SOX6: variants seen among roughly 807,000 people sequenced by gnomAD.
The protein encoded by SOX6 is SRY-box transcription factor 6, also known as transcription factor SOX-6.
In SOX6, 11 loss-of-function variants were observed where a neutral mutation model predicts 97.8. The observed-to-expected ratio is 0.11, with a 90% CI of 0.07 to 0.19. The LOEUF is 0.19. Among genes scored for constraint, SOX6 ranks in the 10% least tolerant of loss-of-function variants. The pLI, the probability that SOX6 is intolerant of heterozygous loss-of-function variation, is 1.00. For synonymous variants in SOX6, 360 were observed against 371.4 expected, an observed-to-expected ratio of 0.97 and a Z score of 0.35; for missense variants, 810 against 1,039.5, an observed-to-expected ratio of 0.78 and a Z score of 3.04.
chr11:16,482,712 T>C (rs1281268294), intron 4 of SOX6, among the ~76,000 whole-genome samples: 1 of 152,206 alleles, frequency 6.6e-6, no homozygotes, highest in Non-Finnish European at 1.5e-5. Context: ...AACTCAATTA[T>C]AAGTGATTTT....
intron 1 of SOX6, among the ~76,000 whole-genome samples, chr11:16,416,076 G>C (rs746623244): frequency 2.6e-5 from 4 of 152,132 alleles, no homozygotes; most frequent in Non-Finnish European, 5.9e-5. Flanking sequence ...TGCTCACCTC[G>C]TAAGGCATTA....
chr11:15,971,641 C>T lies in SOX6; in HGVS notation c.*1168G>A, dbSNP rs1255442598. Reference sequence around the variant, plus strand: ...ACACAGCCCTGCAGCCAGATACATACTCATGATTAAAAACAATAATAGGTT... The same window carrying T: ...ACACAGCCCTGCAGCCAGATACATATTCATGATTAAAAACAATAATAGGTT... On this transcript the variant is annotated 3_prime_UTR_variant, in exon 16 of 16. Transcript: ENST00000683767. 6.6e-6 allele frequency: 1 copy of T among 152,518 alleles called. No individual in the cohort carries two copies. Among genetic ancestry groups the T allele is most frequent in the Admixed American group, 6.5e-5 (1 of 15,278 alleles). The allele number at this position is 152,518 out of a possible 1,614,324, so 9.4% of individuals were successfully genotyped here. A position where few individuals can be genotyped will look rare whatever the true frequency, so the allele number is the denominator to read the frequency against.
At chr11:16,099,453 A>G (rs1036821721) in intron 7 of SOX6, among the ~76,000 whole-genome samples, 3 of 148,072 alleles carry the variant, frequency 2.0e-5, no homozygotes, top group Non-Finnish European at 4.4e-5. Flanking sequence ...AAAATAGGGG[A>G]AAAAAATCAC....
chr11:16,367,294 G>A (rs568480272), intron 1 of SOX6, among the ~76,000 whole-genome samples: 3 of 152,086 alleles, frequency 2.0e-5, no homozygotes, highest in African/African-American at 7.2e-5. Flanking sequence ...TTTCAACTGG[G>A]TCCAAATGAA....
intron 3 of SOX6, among the ~76,000 whole-genome samples, chr11:16,711,517 T>C (rs1372395285): frequency 6.6e-6 from 1 of 152,186 alleles, no homozygotes; most frequent in African/African-American, 2.4e-5. Context: ...AAGGAGATGC[T>C]GTTTCAAAAA....
At chr11:16,052,949 C>G (rs1847721524) in intron 10 of SOX6, among the ~76,000 whole-genome samples, 1 of 152,152 alleles carries the variant, frequency 6.6e-6, no homozygotes, top group East Asian at 1.9e-4. Context: ...GGTGTTTCCC[C>G]TTACCTCAGG....
intron 3 of SOX6, among the ~76,000 whole-genome samples, chr11:16,273,813 C>T (rs1854322723): frequency 1.3e-5 from 2 of 151,690 alleles, no homozygotes; most frequent in Admixed American, 6.6e-5. Flanking sequence ...TTGTTCTTAA[C>T]AATGAAATTC....
chr11:16,659,165 T>A (rs1847747516), intron 3 of SOX6, among the ~76,000 whole-genome samples: 1 of 152,228 alleles, frequency 6.6e-6, no homozygotes, highest in African/African-American at 2.4e-5. Context: ...AGTTTTACAG[T>A]TTTGCATTTT....
At chr11:16,015,467 T>G (rs1854857115) in intron 12 of SOX6, 1 of 184,126 alleles carries the variant, frequency 5.4e-6, no homozygotes, top group Admixed American at 5.5e-5. Flanking sequence ...GCATTGGTAT[T>G]CCTGGGGAAA....
intron 2 of SOX6, among the ~76,000 whole-genome samples, chr11:16,720,423 C>A: frequency 7.3e-6 from 1 of 136,424 alleles, no homozygotes; most frequent in Admixed American, 7.7e-5. Flanking sequence ...AATCATCATT[C>A]TCAGTAAACT....
intron 4 of SOX6, among the ~76,000 whole-genome samples, chr11:16,222,061 T>A (rs1190403192): frequency 6.6e-6 from 1 of 152,086 alleles, no homozygotes. Flanking sequence ...CATATCAAAA[T>A]GAGGTCAGAT....
At chr11:16,171,784 G>A (rs1851045785) in intron 6 of SOX6, among the ~76,000 whole-genome samples, 1 of 151,766 alleles carries the variant, frequency 6.6e-6, no homozygotes, top group Non-Finnish European at 1.5e-5. Flanking sequence ...ATTTTAGTGA[G>A]TAATTACCCT....
intron 4 of SOX6, among the ~76,000 whole-genome samples, chr11:16,515,297 G>T (rs1366089077): frequency 1.3e-5 from 2 of 152,082 alleles, no homozygotes; most frequent in Non-Finnish European, 2.9e-5. Flanking sequence ...CTGATGGCCA[G>T]TGATTATGAG....
chr11:16,667,977 TTTGCTTGTTTGTTTGC>T (rs1210581292), intron 3 of SOX6, among the ~76,000 whole-genome samples: 1 of 152,230 alleles, frequency 6.6e-6, no homozygotes, highest in Non-Finnish European at 1.5e-5. Context: ...TCATTTTCTC[TTTGCTTGTTTGTTTGC>T]TTGCTTGTTT....
chr11:16,643,139 A>G (rs1848950059), intron 3 of SOX6, among the ~76,000 whole-genome samples: 1 of 152,160 alleles, frequency 6.6e-6, no homozygotes, highest in Admixed American at 6.5e-5. Flanking sequence ...AACAGTCAGG[A>G]TCCTCAGCTG....
At chr11:16,418,450 T>A (rs1453734598) in intron 1 of SOX6, among the ~76,000 whole-genome samples, 1 of 152,132 alleles carries the variant, frequency 6.6e-6, no homozygotes, top group African/African-American at 2.4e-5. Context: ...AACTGTCAAC[T>A]TGAAACAATA....
chr11:16,341,824 G>A (rs1289678638), intron 1 of SOX6, among the ~76,000 whole-genome samples: 2 of 152,010 alleles, frequency 1.3e-5, no homozygotes, highest in African/African-American at 2.4e-5. Flanking sequence ...TTAGGGCTGG[G>A]CCTAACACTA....
At chr11:16,447,453 C>CTCTCTCTT (rs5789955) in intron 1 of SOX6, among the ~76,000 whole-genome samples, 45,735 of 150,566 alleles carry the variant, frequency 0.3, 7,741 homozygotes, top group Non-Finnish European at 0.39. Context: ...TTCTCTCTCT[C>CTCTCTCTT]TCTTTCTTTC....
At position 16,613,965 on chromosome 11, in the gene SOX6, C is replaced by T. The variant is rs1044087352; in HGVS notation, n.430-1705G>A. 6.6e-6 allele frequency among the ~76,000 whole-genome samples: 1 copy of T among 152,194 alleles called. No homozygotes were observed. Among genetic ancestry groups the T allele is most frequent in the Admixed American group, 6.5e-5 (1 of 15,290 alleles). ...GAGGGCGCCCTGCGGGCGGGCGGGCCACGCTAGGCGCCGTCTGCCCTCAGA... is the reference window on the plus strand; with the variant it reads ...GAGGGCGCCCTGCGGGCGGGCGGGCTACGCTAGGCGCCGTCTGCCCTCAGA... On this transcript the variant is annotated intron_variant and non_coding_transcript_variant, in intron 3 of 5. Coordinates refer to the SOX6 transcript ENST00000524520. This position sits in a 1 kb window ranked among gnomAD's most constrained non-coding sequence, Gnocchi z 4.6.
Sources: gnomAD v4.1 joint callset for allele counts (sites outside exome capture counted in the v4.1 genomes callset) on GRCh38, gnomAD v4.1.1 for gene constraint, Gnocchi (gnomAD v3.1) non-coding constraint, MANE v1.5 for transcripts, NCBI Gene and HGNC (gene_info 2026-07-23, HGNC 2026-07-21) for gene names.